CNNM4: variants seen among roughly 807,000 people sequenced by gnomAD.
The protein encoded by CNNM4 is cyclin and CBS domain divalent metal cation transport mediator 4, also known as metal transporter CNNM4.
In CNNM4, 32 loss-of-function variants were observed where a neutral mutation model predicts 53.7. That is an observed-to-expected ratio of 0.60 (90% CI 0.45 to 0.80). The LOEUF is 0.80. Among genes scored for constraint, CNNM4 ranks in the 30% least tolerant of loss-of-function variants. The pLI is 0.00. For synonymous variants in CNNM4, 410 were observed against 440.0 expected, an observed-to-expected ratio of 0.93 and a Z score of 0.85; for missense variants, 784 against 1,022.0, an observed-to-expected ratio of 0.77 and a Z score of 3.17.
intron 5 of CNNM4, among the ~76,000 whole-genome samples, chr2:96,806,788 A>T (rs2079212673): frequency 6.6e-6 from 1 of 152,182 alleles, no homozygotes; most frequent in Non-Finnish European, 1.5e-5. Flanking sequence ...ACAGTAACGT[A>T]TATCATTTGA....
At position 96,761,248 on chromosome 2, in the gene CNNM4, G is replaced by A. The variant is rs763881944; in HGVS notation, c.249G>A (p.Leu83=). ...TVNLRLYGYS[L]GNISSNLISF... ...ACCTGAGGCTGTACGGCTACAGCCT[G>A]GGCAACATCTCCAGCAACCTGATCT... The change falls in exon 1 of 7, where the codon CTG becomes CTA. Residue 83 remains leucine, a synonymous_variant. Coordinates refer to ENST00000377075, the MANE Select transcript of CNNM4 (RefSeq NM_020184.4). The surrounding 1 kb of genome is among the most constrained non-coding windows in gnomAD (Gnocchi z 6.0). 5.6e-6 allele frequency: 9 copies of A among 1,614,004 alleles called. No homozygotes were observed. The African/African-American group carries it at 1.2e-4, about 22-fold the overall frequency.
intron 1 of CNNM4, among the ~76,000 whole-genome samples, chr2:96,774,295 C>A (rs1400199165): frequency 6.6e-6 from 1 of 152,134 alleles, no homozygotes; most frequent in Non-Finnish European, 1.5e-5. Flanking sequence ...TCCCTTGGAG[C>A]CCCATCTTGC....
intron 1 of CNNM4, among the ~76,000 whole-genome samples, chr2:96,778,568 A>G (rs570847006): frequency 3.3e-5 from 5 of 151,950 alleles, no homozygotes; most frequent in Non-Finnish European, 5.9e-5. Context: ...AAAAAAAAAA[A>G]AAAATTATTT....
At chr2:96,798,822 T>C (rs1210223161) in intron 3 of CNNM4, among the ~76,000 whole-genome samples, 1 of 152,198 alleles carries the variant, frequency 6.6e-6, no homozygotes, top group Non-Finnish European at 1.5e-5. Flanking sequence ...GGTCATGTGC[T>C]GTTCTTGCAG....
At chr2:96,806,029 C>A (rs1468436740) in intron 5 of CNNM4, among the ~76,000 whole-genome samples, 2 of 150,452 alleles carry the variant, frequency 1.3e-5, no homozygotes, top group Non-Finnish European at 3.0e-5. Flanking sequence ...GGCGGCCGGG[C>A]AGAGGCGCCC....
Position 96,799,560 on chromosome 2 carries a change from G to A in CNNM4, c.1860G>A (p.Val620=). The change falls in exon 5 of 7, where the codon GTG becomes GTA. Residue 620 remains valine (V), a synonymous_variant. Transcript: ENST00000377075. ...GCCCTGTGTTTTTTCAGGGGAAGGTGGAGGTGGAGGCAGGGAAGGAGAACA... is the reference window on the plus strand; with the variant it reads ...GCCCTGTGTTTTTTCAGGGGAAGGTAGAGGTGGAGGCAGGGAAGGAGAACA... ...DYFILILQGK[V]EVEAGKENMK... The A allele has an allele frequency of 1.3e-6, 2 of 1,554,656 alleles. No individual in the cohort carries two copies. Among genetic ancestry groups the A allele is most frequent in the Non-Finnish European group, 1.7e-6 (2 of 1,148,418 alleles).
chr2:96,783,458 G>A (rs2078991205), intron 1 of CNNM4, among the ~76,000 whole-genome samples: 1 of 152,142 alleles, frequency 6.6e-6, no homozygotes, highest in Admixed American at 6.6e-5. Flanking sequence ...CGTCTGGGTG[G>A]GACACAGTTC....
In CNNM4 at chr2:96,800,286, C is replaced by T. The variant is rs370629786; in HGVS notation, c.1948+638C>T. Among the ~76,000 whole-genome samples, 7 of 152,244 alleles carry T rather than the reference C, an allele frequency of 4.6e-5. No individual in the cohort carries two copies. The highest frequency in any genetic ancestry group is 1.3e-4 in the Admixed American group (2 of 15,306). On this transcript the variant is annotated intron_variant, in intron 5 of 6. Transcript: ENST00000377075. The surrounding 1 kb of genome is among the most constrained non-coding windows in gnomAD (Gnocchi z 4.6). ...CCGCAGAGCCCCACAGACAAGGCCC[C>T]GCAGGCCCAGGTCTCGCCAGCTCAT...
At chr2:96,766,262 A>G (rs1174840327) in intron 1 of CNNM4, among the ~76,000 whole-genome samples, 1 of 151,406 alleles carries the variant, frequency 6.6e-6, no homozygotes, top group African/African-American at 2.4e-5. Context: ...TTTAGTAGAG[A>G]TGGGGTTTCA....
intron 1 of CNNM4, among the ~76,000 whole-genome samples, chr2:96,777,043 G>A (rs567779418): frequency 3.3e-5 from 5 of 150,830 alleles, no homozygotes; most frequent in African/African-American, 9.8e-5. Context: ...TTTTTGAGAC[G>A]GAGTCTCACT....
At chr2:96,792,886 T>C (rs2079074220) in intron 1 of CNNM4, among the ~76,000 whole-genome samples, 1 of 151,538 alleles carries the variant, frequency 6.6e-6, no homozygotes, top group African/African-American at 2.4e-5. Context: ...GACAGGAGTG[T>C]TGGGGGGATG....
intron 1 of CNNM4, among the ~76,000 whole-genome samples, chr2:96,786,129 A>G (rs1292231313): frequency 2.0e-5 from 3 of 151,982 alleles, no homozygotes; most frequent in Non-Finnish European, 2.9e-5. Flanking sequence ...TTAAAAAGTA[A>G]AGATAGGCCT....
At position 96,797,554 on chromosome 2, in the gene CNNM4, CG is replaced by C; in HGVS notation, c.1589del (p.Arg530LeufsTer15). The stretch of plus-strand genomic sequence containing the variant: ...GAAGCGGGTGTCTGAGAAGAACAAG[CG>C]TGACTTCTCTGCCTTCAAGGATGCG... ...SRKRVSEKNK[R>X]DFSAFKDADN... On this transcript the variant is annotated frameshift_variant, in exon 3 of 7. Coordinates refer to ENST00000377075, the MANE Select transcript of CNNM4 (RefSeq NM_020184.4). LOFTEE classifies it high-confidence loss of function. This position sits in a 1 kb window ranked among gnomAD's most constrained non-coding sequence, Gnocchi z 6.0. 6.2e-7 allele frequency: 1 copy of C among 1,614,150 alleles called. No homozygotes were observed. The highest frequency in any genetic ancestry group is 2.2e-5 in the East Asian group (1 of 44,892).
chr2:96,809,142 C>A, intron 6 of CNNM4, 178 bp from the exon 7 acceptor site: 1 of 1,410,948 alleles, frequency 7.1e-7, no homozygotes, highest in Admixed American at 2.0e-5. Flanking sequence ...GTGCCCAGCC[C>A]TGAGATGCTT....
intron 1 of CNNM4, among the ~76,000 whole-genome samples, chr2:96,775,748 TG>T (rs1197153231): frequency 3.3e-5 from 5 of 152,274 alleles, no homozygotes; most frequent in Middle Eastern, 3.4e-3. Flanking sequence ...TTTTTGTTTT[TG>T]TTTTGTCTCT....
At chr2:96,809,135 C>A in intron 6 of CNNM4, 185 bp from the exon 7 acceptor site, 2 of 1,351,796 alleles carry the variant, frequency 1.5e-6, no homozygotes, top group Non-Finnish European at 2.0e-6. Flanking sequence ...AGCCACTGTG[C>A]CCAGCCCTGA....
chr2:96,809,086 C>T, intron 6 of CNNM4: 1 of 861,486 alleles, frequency 1.2e-6, no homozygotes, highest in Non-Finnish European at 1.7e-6. Context: ...AAGCGATTTG[C>T]CCGCCTCAGC....
At chr2:96,803,202 T>C (rs1357457528) in intron 5 of CNNM4, among the ~76,000 whole-genome samples, 1 of 152,150 alleles carries the variant, frequency 6.6e-6, no homozygotes, top group Non-Finnish European at 1.5e-5. Flanking sequence ...CTGGGCTTGC[T>C]CTGGTTTCAT....
chr2:96,808,626 G>A lies in CNNM4; in HGVS notation c.2014G>A (p.Asp672Asn). ...CTCCCTCAGTTACCCAGACCGCACA[G>A]ACGTCTCAACTGCAGCAACCTTGGC... The part of the protein sequence containing the change: ...SASLSYPDRT[D>N]VSTAATLAGS... Residue 672 changes from aspartate (D) to asparagine (N), a missense_variant, in exon 6 of 7, where the codon GAC becomes AAC. Asp to Asn is a conservative substitution (Grantham distance 23). Around this residue, in one of 3 missense-constraint regions of CNNM4, gnomAD observed 307 missense variants for 376.3 expected, o/e 0.82. Transcript: ENST00000377075. This position sits in a 1 kb window ranked among gnomAD's most constrained non-coding sequence, Gnocchi z 4.9. The A allele has an allele frequency of 6.2e-7, 1 of 1,614,132 alleles. No individual in the cohort carries two copies. Among genetic ancestry groups the A allele is most frequent in the South Asian group, 1.1e-5 (1 of 91,082 alleles).
Sources: allele counts gnomAD v4.1 joint callset (sites outside exome capture counted in the v4.1 genomes callset), GRCh38; gene constraint gnomAD v4.1.1; regional missense constraint gnomAD v4.1.1; non-coding constraint Gnocchi (gnomAD v3.1); transcripts MANE v1.5; gene names NCBI Gene and HGNC (gene_info 2026-07-23, HGNC 2026-07-21).